Variants in ACAP2 observed in about 807,000 individuals in gnomAD.
ACAP2 encodes arf-GAP with coiled-coil, ANK repeat and PH domain-containing protein 2.
In ACAP2, 39 loss-of-function variants were observed where a neutral mutation model predicts 115.8. The ratio of observed to expected loss-of-function variants is 0.34; its 90% confidence interval spans 0.26 to 0.44. ACAP2 has a LOEUF of 0.44. ACAP2 is among the 20% of genes least tolerant of loss of function. The pLI is 1.00. For missense variants in ACAP2, 662 were observed against 927.6 expected, an observed-to-expected ratio of 0.71 and a Z score of 3.72; for synonymous variants, 289 against 315.8, an observed-to-expected ratio of 0.92 and a Z score of 0.90.
intron 4 of ACAP2, among the ~76,000 whole-genome samples, chr3:195,379,413 T>C (rs574105899): frequency 2.0e-5 from 3 of 152,170 alleles, no homozygotes; most frequent in Admixed American, 2.0e-4. Context: ...GTATAACATA[T>C]ACTGATAAGG....
intron 1 of ACAP2, among the ~76,000 whole-genome samples, chr3:195,394,551 C>CA (rs1208103483): frequency 6.6e-6 from 1 of 152,236 alleles, no homozygotes; most frequent in Non-Finnish European, 1.5e-5. Context: ...CACAGTGGCT[C>CA]ACGCCTGTAA....
intron 18 of ACAP2, among the ~76,000 whole-genome samples, chr3:195,293,057 TC>T (rs1727374022): frequency 6.6e-6 from 1 of 152,150 alleles, no homozygotes; most frequent in Non-Finnish European, 1.5e-5. Flanking sequence ...ACATAGCTAT[TC>T]CCCAACATTC....
At chr3:195,352,287 G>C (rs1731663693) in intron 4 of ACAP2, among the ~76,000 whole-genome samples, 1 of 152,164 alleles carries the variant, frequency 6.6e-6, no homozygotes, top group African/African-American at 2.4e-5. Context: ...GCCTAGGTTT[G>C]TGATAAGTAC....
At chr3:195,343,479 G>T (rs971890520) in intron 5 of ACAP2, among the ~76,000 whole-genome samples, 1 of 152,146 alleles carries the variant, frequency 6.6e-6, no homozygotes, top group African/African-American at 2.4e-5. Context: ...GATTTCTCAT[G>T]CTGTGGCATG....
chr3:195,333,883 C>T (rs1730332353), intron 7 of ACAP2, among the ~76,000 whole-genome samples: 1 of 152,134 alleles, frequency 6.6e-6, no homozygotes, highest in Non-Finnish European at 1.5e-5. Context: ...AGTAGGAGAA[C>T]GCTGGGTTTT....
At chr3:195,373,079 G>A (rs1733284798) in intron 4 of ACAP2, among the ~76,000 whole-genome samples, 1 of 149,126 alleles carries the variant, frequency 6.7e-6, no homozygotes, top group African/African-American at 2.5e-5. Flanking sequence ...TGGAAACACT[G>A]TAATTTTGCA....
chr3:195,379,619 C>T (rs1733813673), intron 4 of ACAP2, among the ~76,000 whole-genome samples: 1 of 152,066 alleles, frequency 6.6e-6, no homozygotes, highest in African/African-American at 2.4e-5. Context: ...AGAACAAGAC[C>T]TCATCTCTAC....
chr3:195,294,250 C>T (rs1468609103), intron 18 of ACAP2, among the ~76,000 whole-genome samples: 1 of 152,002 alleles, frequency 6.6e-6, no homozygotes, highest in African/African-American at 2.4e-5. Flanking sequence ...TACTCCTCCC[C>T]TAGTTACCTT....
rs1164092807 is a variant in ACAP2 at position 195,301,651 on chromosome 3, G to A, written c.1326-7C>T. 6.2e-7 allele frequency: 1 copy of A among 1,610,210 alleles called. No individual in the cohort carries two copies. The highest frequency in any genetic ancestry group is 1.1e-5 in the South Asian group (1 of 89,938). ...AAAATGAACCCCAAGGCTCCTAAGT[G>A]GAAAAAAGAAGACTGCATTACTATC... On this transcript the variant is annotated splice_region_variant and splice_polypyrimidine_tract_variant and intron_variant, in intron 14 of 22. Transcript: ENST00000326793.
rs532955037 is a variant in ACAP2, at chr3:195,326,977, A to G, written c.670-18T>C. ...CGATCCAACTGTAAAAAGGGAAAAG[A>G]GAAAACTGCAGACTTAAAAAAAGTA... On this transcript the variant is annotated intron_variant, in intron 8 of 22. Transcript: ENST00000326793. 3 of 1,604,616 alleles carry G rather than the reference A, an allele frequency of 1.9e-6. No individual in the cohort carries two copies. In the South Asian group the frequency reaches 3.3e-5, roughly 18 times the overall value.
chr3:195,359,679 G>A (rs1000148647), intron 4 of ACAP2, among the ~76,000 whole-genome samples: 1 of 152,198 alleles, frequency 6.6e-6, no homozygotes, highest in Non-Finnish European at 1.5e-5. Context: ...GTGTTAGCCA[G>A]GATGGTCTCG....
intron 1 of ACAP2, among the ~76,000 whole-genome samples, chr3:195,401,027 G>A (rs188920566): frequency 2.0e-5 from 3 of 152,292 alleles, no homozygotes; most frequent in East Asian, 3.9e-4. Flanking sequence ...GCAAGACTCC[G>A]TCTCTGTAAT....
intron 4 of ACAP2, among the ~76,000 whole-genome samples, chr3:195,346,118 A>T (rs975246345): frequency 2.0e-5 from 3 of 152,174 alleles, no homozygotes; most frequent in African/African-American, 7.2e-5. Flanking sequence ...TTTTCTCCTG[A>T]ATACTACATA....
At chr3:195,395,575 G>A (rs958047197) in intron 1 of ACAP2, among the ~76,000 whole-genome samples, 12 of 152,130 alleles carry the variant, frequency 7.9e-5, no homozygotes, top group Admixed American at 2.6e-4. Context: ...AAAGTTTTAC[G>A]GAAGCAGAGA....
chr3:195,294,674 T>C, intron 18 of ACAP2, 45 bp downstream of exon 18: 5 of 1,067,846 alleles, frequency 4.7e-6, no homozygotes, highest in Non-Finnish European at 6.7e-6. Context: ...ACATGCACTT[T>C]CCAGCAAACA....
chr3:195,442,865 G>C lies in ACAP2; in HGVS notation c.-18C>G. The stretch of plus-strand genomic sequence containing the variant: ...ATCTTCATCCTGCCTCCGCCTCGCA[G>C]GCGGCGCTGGCAAAGCCGAGGGGGC... On this transcript the variant is annotated 5_prime_UTR_variant, in exon 1 of 23. Transcript: ENST00000326793. 1 of 1,512,810 alleles carries C rather than the reference G, an allele frequency of 6.6e-7. No individual in the cohort carries two copies. Among genetic ancestry groups the C allele is most frequent in the Non-Finnish European group, 8.8e-7 (1 of 1,130,744 alleles). 93.7% of individuals were successfully genotyped at this position (1,512,810 alleles called of 1,614,324 possible).
intron 5 of ACAP2, among the ~76,000 whole-genome samples, chr3:195,344,947 T>G (rs1447883016): frequency 1.3e-5 from 2 of 152,250 alleles, no homozygotes; most frequent in African/African-American, 4.8e-5. Flanking sequence ...CAACCACTTT[T>G]GGGGTTTGCT....
At chr3:195,327,080 A>T (rs561521315) in intron 8 of ACAP2, 121 bp from the exon 9 acceptor site, 18 of 960,190 alleles carry the variant, frequency 1.9e-5, no homozygotes, top group Admixed American at 1.4e-4. Context: ...TGATTTAATA[A>T]AGTTTTGGCT....
At chr3:195,392,188 A>G in intron 1 of ACAP2, 41 bp from the exon 2 acceptor site, 1 of 1,490,882 alleles carries the variant, frequency 6.7e-7, no homozygotes, top group Non-Finnish European at 9.3e-7. Flanking sequence ...TCGTTTGTTT[A>G]AATGTACACT....
Sources: gnomAD v4.1 joint callset for allele counts (sites outside exome capture counted in the v4.1 genomes callset) on GRCh38, gnomAD v4.1.1 for gene constraint, MANE v1.5 for transcripts, NCBI Gene and HGNC (gene_info 2026-07-23, HGNC 2026-07-21) for gene names.